CFAP300: variants seen among roughly 807,000 people sequenced by gnomAD.
CFAP300 encodes the protein cilia- and flagella-associated protein 300.
In CFAP300, 32 loss-of-function variants were observed where a neutral mutation model predicts 33.0. That is an observed-to-expected ratio of 0.97 (90% CI 0.73 to 1.30). CFAP300 has a LOEUF of 1.30. CFAP300 is among the 50% of genes most tolerant of loss of function. The pLI is 0.00. For missense variants in CFAP300, 356 were observed against 318.1 expected (o/e 1.12, Z -0.90); for synonymous variants, 102 against 106.8 (o/e 0.95, Z 0.28).
intron 2 of CFAP300, among the ~76,000 whole-genome samples, chr11:102,050,629 C>T (rs566642774): frequency 2.8e-4 from 42 of 152,206 alleles, no homozygotes; most frequent in African/African-American, 9.4e-4. Flanking sequence ...AAAATACATA[C>T]CTGAGGCATA....
intron 4 of CFAP300, among the ~76,000 whole-genome samples, chr11:102,067,082 G>C (rs904869123): frequency 1.3e-5 from 2 of 152,214 alleles, no homozygotes; most frequent in African/African-American, 4.8e-5. Flanking sequence ...GCTCTCGCTT[G>C]TAATTCCAGC....
chr11:102,047,463 A>C lies in CFAP300; in HGVS notation c.-8A>C. The C allele has an allele frequency of 6.5e-7, 1 of 1,535,370 alleles. No homozygotes were observed. The highest frequency in any genetic ancestry group is 8.7e-7 in the Non-Finnish European group (1 of 1,146,242). On this transcript the variant is annotated 5_prime_UTR_variant, in exon 1 of 7. Coordinates refer to ENST00000434758, the MANE Select transcript of CFAP300 (RefSeq NM_032930.3). ...AACGGCCCAGGCATCCACCCAGCCG[A>C]GAGCACGATGGCTACTGGGGAGCTC...
At chr11:102,082,284 G>A (rs1942484950) in intron 6 of CFAP300, among the ~76,000 whole-genome samples, 1 of 151,930 alleles carries the variant, frequency 6.6e-6, no homozygotes, top group Non-Finnish European at 1.5e-5. Flanking sequence ...CCTGAGGTAT[G>A]AGAATTGCTT....
intron 2 of CFAP300, among the ~76,000 whole-genome samples, chr11:102,052,820 T>C (rs1941990751): frequency 1.3e-5 from 2 of 152,210 alleles, no homozygotes; most frequent in South Asian, 4.1e-4. Flanking sequence ...ATTACAACAG[T>C]AGCCTTCCTC....
chr11:102,074,390 C>A (rs1942366391), intron 4 of CFAP300, among the ~76,000 whole-genome samples: 1 of 152,160 alleles, frequency 6.6e-6, no homozygotes. Context: ...CTTTCACTTA[C>A]CATTTTCCTG....
chr11:102,081,179 T>C (rs765498330), intron 5 of CFAP300, 36 bp from the exon 6 acceptor site: 17 of 1,497,882 alleles, frequency 1.1e-5, no homozygotes, highest in Non-Finnish European at 1.6e-5. Flanking sequence ...CCAATGCCTA[T>C]TATATGTTAA....
chr11:102,071,012 T>C (rs1312712352), intron 4 of CFAP300, among the ~76,000 whole-genome samples: 1 of 152,212 alleles, frequency 6.6e-6, no homozygotes, highest in Non-Finnish European at 1.5e-5. Context: ...GAATAGATAT[T>C]CTGTAACTGT....
At chr11:102,077,098 A>G (rs1398296699) in intron 5 of CFAP300, among the ~76,000 whole-genome samples, 5 of 152,164 alleles carry the variant, frequency 3.3e-5, no homozygotes, top group East Asian at 1.9e-4. Flanking sequence ...ACACACACAC[A>G]CACGCACTCA....
At chr11:102,080,004 G>T (rs1178803769) in intron 5 of CFAP300, among the ~76,000 whole-genome samples, 3 of 152,274 alleles carry the variant, frequency 2.0e-5, no homozygotes, top group Admixed American at 2.0e-4. Context: ...TTTGGAGGCA[G>T]GGTGCAGTGG....
At chr11:102,076,836 C>T (rs1942401945) in intron 5 of CFAP300, among the ~76,000 whole-genome samples, 1 of 152,046 alleles carries the variant, frequency 6.6e-6, no homozygotes, top group Non-Finnish European at 1.5e-5. Flanking sequence ...TTTAGTTATG[C>T]AATTAATTTA....
At chr11:102,060,741 G>A (rs1258672084) in intron 3 of CFAP300, among the ~76,000 whole-genome samples, 2 of 152,060 alleles carry the variant, frequency 1.3e-5, no homozygotes, top group African/African-American at 4.8e-5. Flanking sequence ...GTTTAGGGGT[G>A]TATTTTGGTA....
chr11:102,061,298 C>A (rs1942146371), intron 3 of CFAP300, among the ~76,000 whole-genome samples: 1 of 152,176 alleles, frequency 6.6e-6, no homozygotes. Context: ...TGCTATATTT[C>A]TTTTTCTGAA....
At chr11:102,060,444 C>A (rs1227118873) in intron 3 of CFAP300, among the ~76,000 whole-genome samples, 1 of 151,960 alleles carries the variant, frequency 6.6e-6, no homozygotes, top group South Asian at 2.1e-4. Flanking sequence ...TGTATTATTT[C>A]ATAATACATT....
intron 5 of CFAP300, among the ~76,000 whole-genome samples, chr11:102,079,750 C>T (rs1332679228): frequency 1.3e-5 from 2 of 152,098 alleles, no homozygotes; most frequent in Non-Finnish European, 2.9e-5. Flanking sequence ...TTAATAATAC[C>T]TTTGATACCT....
chr11:102,081,314 TTTAA>T lies in CFAP300; in HGVS notation c.675+37_675+40del, dbSNP rs1185470486. 5 of 1,546,118 alleles carry T rather than the reference TTTAA, an allele frequency of 3.2e-6. No individual in the cohort carries two copies. The South Asian group carries it at 4.5e-5, about 14-fold the overall frequency. ...TGAGAGAACTTTTGCAACCAAAGAA[TTTAA>T]TTACTTTTTATTAATAGAGTTGTTA... On this transcript the variant is annotated intron_variant, in intron 6 of 6. Coordinates refer to ENST00000434758, the MANE Select transcript of CFAP300 (RefSeq NM_032930.3).
chr11:102,060,973 A>C (rs915220443), intron 3 of CFAP300, among the ~76,000 whole-genome samples: 12 of 152,238 alleles, frequency 7.9e-5, no homozygotes, highest in Non-Finnish European at 1.8e-4. Context: ...AGAGCCATGT[A>C]TCACAGTGTT....
chr11:102,061,313 C>A (rs978081077), intron 3 of CFAP300, among the ~76,000 whole-genome samples: 2 of 151,546 alleles, frequency 1.3e-5, no homozygotes, highest in African/African-American at 2.4e-5. Flanking sequence ...TCTGAAATAC[C>A]CCCCTCTTAT....
intron 5 of CFAP300, 168 bp downstream of exon 5, chr11:102,076,213 T>C: frequency 1.7e-6 from 1 of 581,346 alleles, no homozygotes; most frequent in Non-Finnish European, 2.6e-6. Context: ...TCTTCCAGAA[T>C]AGAAAGATTT....
chr11:102,070,335 T>C (rs1266921544), intron 4 of CFAP300, among the ~76,000 whole-genome samples: 3 of 152,212 alleles, frequency 2.0e-5, no homozygotes, highest in Non-Finnish European at 4.4e-5. Context: ...ATACTTCTTA[T>C]ATGCAAAGAC....
Sources: allele counts gnomAD v4.1 joint callset (sites outside exome capture counted in the v4.1 genomes callset), GRCh38; gene constraint gnomAD v4.1.1; transcripts MANE v1.5; gene names NCBI Gene and HGNC (gene_info 2026-07-23, HGNC 2026-07-21).